BIK: variants seen among roughly 807,000 people sequenced by gnomAD.
BIK encodes the protein BCL2 interacting killer.
BIK carries 14 observed loss-of-function variants against 12.1 expected under a neutral mutation model. The observed-to-expected ratio is 1.16, with a 90% confidence interval of 0.77 to 1.81. BIK has a LOEUF of 1.81. Ranked by LOEUF, BIK falls within the 40% of genes most tolerant of loss-of-function variation. BIK has a pLI of 0.00. For missense variants in BIK, 215 were observed against 207.9 expected (o/e 1.03, Z -0.21); for synonymous variants, 86 against 92.3 (o/e 0.93, Z 0.39).
intron 2 of BIK, among the ~76,000 whole-genome samples, chr22:43,125,151 A>G (rs1165358511): frequency 1.3e-5 from 2 of 152,166 alleles, no homozygotes; most frequent in Admixed American, 1.3e-4. Context: ...TTGGTGCACA[A>G]TGAATAGTGA....
Position 43,111,674 on chromosome 22 carries a change from T to C in BIK, c.-8+871T>C, listed in dbSNP as rs538311175. On this transcript the variant is annotated intron_variant, in intron 1 of 4. Coordinates refer to ENST00000216115, the MANE Select transcript of BIK (RefSeq NM_001197.5). ...TGGGGTAGGACGTGGTTGTTGATGT[T>C]ACTGTTGTAGCTCTTACTATTGTAA... Among the ~76,000 whole-genome samples the C allele has an allele frequency of 2.6e-5, 4 of 152,356 alleles. No homozygotes were observed. In the South Asian group the frequency reaches 8.3e-4, roughly 32 times the overall value.
Position 43,128,449 on chromosome 22 carries a change from C to T in BIK, c.261-47C>T, listed in dbSNP as rs770839797. 1.4e-5 allele frequency: 23 copies of T among 1,601,980 alleles called. No individual in the cohort carries two copies. In the Admixed American group the frequency reaches 2.7e-4, roughly 19 times the overall value. Reference sequence around the variant, plus strand: ...TCATCTAAGTACAGGCTGCCCCTACCTGCTCCTGCAGTAATGGCTTTGTCC... The same window carrying T: ...TCATCTAAGTACAGGCTGCCCCTACTTGCTCCTGCAGTAATGGCTTTGTCC... On this transcript the variant is annotated intron_variant, in intron 3 of 4. Transcript: ENST00000216115.
rs1213816849 is a variant in BIK, at chr22:43,129,290, C to A, written c.468C>A (p.His156Gln). 1.2e-6 allele frequency: 2 copies of A among 1,600,164 alleles called. No individual in the cohort carries two copies. Among genetic ancestry groups the A allele is most frequent in the Non-Finnish European group, 1.7e-6 (2 of 1,179,262 alleles). Residue 156 changes from histidine to glutamine, a missense_variant, in exon 5 of 5, where the codon CAC (histidine) becomes CAA (glutamine). His to Gln is a conservative substitution (Grantham distance 24, BLOSUM62 0). Coordinates refer to ENST00000216115, the MANE Select transcript of BIK (RefSeq NM_001197.5). ...LLLPLLSGGL[H>Q]LLLK ...TGCCGCTGCTCAGCGGGGGCCTGCA[C>A]CTGCTGCTCAAGTGAGGCCCCGGCG...
chr22:43,128,748 A>C, intron 4 of BIK, 123 bp downstream of exon 4: 1 of 1,370,630 alleles, frequency 7.3e-7, no homozygotes, highest in Non-Finnish European at 9.9e-7. Flanking sequence ...CTGTGTCCAC[A>C]TCTGCCTGAT....
At chr22:43,115,862 T>G (rs11704452) in intron 1 of BIK, among the ~76,000 whole-genome samples, 25,242 of 151,974 alleles carry the variant, frequency 0.17, 2,323 homozygotes, top group African/African-American at 0.25. Flanking sequence ...GTTTAAGTGA[T>G]TCTCCTGCCT....
chr22:43,117,313 CTT>C (rs1000577690), intron 1 of BIK, among the ~76,000 whole-genome samples: 2 of 145,696 alleles, frequency 1.4e-5, no homozygotes, highest in East Asian at 2.0e-4. Flanking sequence ...AGTGAGCTGT[CTT>C]TTTTTTTTCT....
At chr22:43,123,164 G>A (rs1181100480) in intron 1 of BIK, among the ~76,000 whole-genome samples, 2 of 152,074 alleles carry the variant, frequency 1.3e-5, no homozygotes, top group African/African-American at 2.4e-5. Flanking sequence ...TGTGTGATGC[G>A]CACAAGTGTT....
At chr22:43,119,529 G>A (rs1424709509) in intron 1 of BIK, among the ~76,000 whole-genome samples, 1 of 152,038 alleles carries the variant, frequency 6.6e-6, no homozygotes, top group Non-Finnish European at 1.5e-5. Context: ...TGCAATAGGT[G>A]TTACTAGTAT....
At chr22:43,123,746 A>C (rs1930260054) in intron 1 of BIK, among the ~76,000 whole-genome samples, 1 of 152,188 alleles carries the variant, frequency 6.6e-6, no homozygotes, top group Non-Finnish European at 1.5e-5. Context: ...TCAGTATCCA[A>C]AAACAAAGAA....
At chr22:43,117,850 G>A (rs776994128) in intron 1 of BIK, among the ~76,000 whole-genome samples, 6 of 150,902 alleles carry the variant, frequency 4.0e-5, no homozygotes, top group Non-Finnish European at 8.8e-5. Context: ...TTTTTGAAAC[G>A]GGGTAGAGAC....
rs201004577 is a variant in BIK at position 43,129,237 on chromosome 22, G to C, written c.415G>C (p.Ala139Pro). The change falls in exon 5 of 5, where the codon GCG becomes CCG. Residue 139 changes from alanine (A) to proline (P), a missense_variant. By Grantham distance (27) the Ala-to-Pro change is conservative. Transcript: ENST00000216115. ...GGTGTCCTGCGAACAGGTGCTGCTG[G>C]CGCTGCTGCTGCTGCTGGCGCTGCT... ...SWVSCEQVLL[A>P]LLLLLALLLP... 6.3e-7 allele frequency: 1 copy of C among 1,587,124 alleles called. No individual in the cohort carries two copies. Among genetic ancestry groups the C allele is most frequent in the South Asian group, 1.1e-5 (1 of 88,448 alleles).
chr22:43,116,133 C>G (rs953807270), intron 1 of BIK, among the ~76,000 whole-genome samples: 2 of 152,192 alleles, frequency 1.3e-5, no homozygotes, highest in African/African-American at 4.8e-5. Flanking sequence ...TCTCTGCTTC[C>G]TTCATGGTGA....
chr22:43,123,062 C>T (rs897880834), intron 1 of BIK, among the ~76,000 whole-genome samples: 5 of 152,182 alleles, frequency 3.3e-5, no homozygotes, highest in African/African-American at 9.7e-5. Context: ...AGCAAGGAGC[C>T]AGGTGGAATG....
chr22:43,116,881 A>G (rs1413382648), intron 1 of BIK, among the ~76,000 whole-genome samples: 1 of 152,166 alleles, frequency 6.6e-6, no homozygotes, highest in Non-Finnish European at 1.5e-5. Context: ...TGGAGACTAC[A>G]GTGAGCCATG....
intron 1 of BIK, among the ~76,000 whole-genome samples, chr22:43,121,877 G>A (rs940950732): frequency 5.3e-5 from 8 of 152,212 alleles, no homozygotes; most frequent in Admixed American, 2.6e-4. Context: ...GATTACAGGC[G>A]TATGTCACCA....
intron 3 of BIK, among the ~76,000 whole-genome samples, chr22:43,128,254 G>A (rs1930360268): frequency 6.6e-6 from 1 of 152,286 alleles, no homozygotes; most frequent in Admixed American, 6.5e-5. Flanking sequence ...CCAAACACCC[G>A]GTGGGCTGGC....
Position 43,129,238 on chromosome 22 carries a change from C to A in BIK, c.416C>A (p.Ala139Glu), listed in dbSNP as rs1039226514. ...SWVSCEQVLLALLLLLALLLP... is the reference protein window; with the variant it reads ...SWVSCEQVLLELLLLLALLLP... ...GTGTCCTGCGAACAGGTGCTGCTGG[C>A]GCTGCTGCTGCTGCTGGCGCTGCTG... The change falls in exon 5 of 5, where the codon GCG becomes GAG. Residue 139 changes from alanine to glutamate, a missense_variant. Coordinates refer to ENST00000216115, the MANE Select transcript of BIK (RefSeq NM_001197.5). 6.9e-6 allele frequency: 11 copies of A among 1,585,808 alleles called. No individual in the cohort carries two copies. In the African/African-American group the frequency reaches 1.4e-4, roughly 20 times the overall value.
At chr22:43,123,065 G>T (rs1262535068) in intron 1 of BIK, among the ~76,000 whole-genome samples, 2 of 152,230 alleles carry the variant, frequency 1.3e-5, no homozygotes, top group African/African-American at 4.8e-5. Flanking sequence ...AAGGAGCCAG[G>T]TGGAATGGAT....
In BIK at chr22:43,123,961, C is replaced by T. The variant is rs1259173187; in HGVS notation, c.-7-55C>T. Reference sequence around the variant, plus strand: ...ATCTGGGGGTCATCCTGTGAGAGAGCCCCCAGACTGCTCAGTTCTTAGGGG... The same window carrying T: ...ATCTGGGGGTCATCCTGTGAGAGAGTCCCCAGACTGCTCAGTTCTTAGGGG... On this transcript the variant is annotated intron_variant, in intron 1 of 4. Transcript: ENST00000216115. The T allele has an allele frequency of 4.4e-6, 7 of 1,579,512 alleles. No individual in the cohort carries two copies. The African/African-American group carries it at 8.1e-5, about 18-fold the overall frequency.
Sources: gnomAD v4.1 joint callset for allele counts (sites outside exome capture counted in the v4.1 genomes callset) on GRCh38, gnomAD v4.1.1 for gene constraint, MANE v1.5 for transcripts, NCBI Gene and HGNC (gene_info 2026-07-23, HGNC 2026-07-21) for gene names.